SEMA3E: variants seen among roughly 807,000 people sequenced by gnomAD.
The protein encoded by SEMA3E is semaphorin-3E.
Under a neutral mutation model 93.6 loss-of-function variants are expected in SEMA3E, and 49 were observed. That is an observed-to-expected ratio of 0.52 (90% CI 0.42 to 0.66). SEMA3E has a LOEUF of 0.66. SEMA3E is among the 30% of genes least tolerant of loss of function. The pLI is 0.00. For missense variants in SEMA3E, 906 were observed against 964.8 expected, an observed-to-expected ratio of 0.94 and a Z score of 0.81; for synonymous variants, 363 against 330.7, an observed-to-expected ratio of 1.10 and a Z score of -1.06.
chr7:83,467,803 C>T (rs1292851400), intron 3 of SEMA3E, among the ~76,000 whole-genome samples: 1 of 152,134 alleles, frequency 6.6e-6, no homozygotes, highest in Non-Finnish European at 1.5e-5. Flanking sequence ...CGGCATTTCC[C>T]AGTTAATTGA....
chr7:83,487,682 C>CGTGTGTGTGT (rs71074667), intron 2 of SEMA3E, among the ~76,000 whole-genome samples: 1,504 of 144,520 alleles, frequency 0.01, 16 homozygotes, highest in East Asian at 0.032. Flanking sequence ...GGCAGGAGGT[C>CGTGTGTGTGT]GTGTGTGTGT....
chr7:83,404,935 T>C (rs1034347350), intron 9 of SEMA3E, among the ~76,000 whole-genome samples: 3 of 151,960 alleles, frequency 2.0e-5, no homozygotes, highest in African/African-American at 7.2e-5. Context: ...TAATGGGAAC[T>C]AGCAAAGTAG....
At chr7:83,486,635 T>C (rs1180922953) in intron 2 of SEMA3E, among the ~76,000 whole-genome samples, 1 of 152,016 alleles carries the variant, frequency 6.6e-6, no homozygotes, top group Non-Finnish European at 1.5e-5. Flanking sequence ...AGAGGGCATA[T>C]TGAGAATTTA....
At chr7:83,588,762 A>G (rs1049234774) in intron 1 of SEMA3E, among the ~76,000 whole-genome samples, 2 of 152,204 alleles carry the variant, frequency 1.3e-5, no homozygotes, top group Non-Finnish European at 2.9e-5. Context: ...CATGAAAAGT[A>G]AATGAGTCAT....
At chr7:83,529,426 A>G (rs1000732819) in intron 1 of SEMA3E, among the ~76,000 whole-genome samples, 5 of 152,168 alleles carry the variant, frequency 3.3e-5, no homozygotes, top group Non-Finnish European at 7.4e-5. Context: ...GCTGCCCGTC[A>G]AAAACTAGCA....
chr7:83,526,668 C>G (rs1449635339), intron 1 of SEMA3E, among the ~76,000 whole-genome samples: 1 of 152,144 alleles, frequency 6.6e-6, no homozygotes, highest in Admixed American at 6.6e-5. Flanking sequence ...CATCCATGTG[C>G]TATCCACTTG....
chr7:83,441,510 T>C lies in SEMA3E; in HGVS notation c.457-23027A>G, dbSNP rs559593839. On this transcript the variant is annotated intron_variant, in intron 4 of 16. Coordinates refer to ENST00000643230, the MANE Select transcript of SEMA3E (RefSeq NM_012431.3). ...AAAATAAGTACAAAAAAGAAAGATA[T>C]GGTGATGCTGCTGCTGCAGCTGGGT... 2.7e-4 allele frequency among the ~76,000 whole-genome samples: 41 copies of C among 152,248 alleles called. 1 individual carries two copies. In the South Asian group the frequency reaches 5.0e-3, roughly 18 times the overall value.
chr7:83,466,291 T>C (rs184939929), intron 4 of SEMA3E, among the ~76,000 whole-genome samples, 191 bp downstream of exon 4: 56 of 152,312 alleles, frequency 3.7e-4, no homozygotes, highest in African/African-American at 1.3e-3. Flanking sequence ...AGCAAATTAA[T>C]TGGTTCACAG....
At chr7:83,644,643 C>A (rs1794057687) in intron 1 of SEMA3E, among the ~76,000 whole-genome samples, 1 of 151,842 alleles carries the variant, frequency 6.6e-6, no homozygotes, top group Non-Finnish European at 1.5e-5. Flanking sequence ...AATTAATTAT[C>A]ATTATTATAA....
chr7:83,429,076 CA>C (rs1345037191), intron 4 of SEMA3E, among the ~76,000 whole-genome samples: 4 of 151,738 alleles, frequency 2.6e-5, no homozygotes, highest in Admixed American at 6.6e-5. Context: ...AATCAAGGCC[CA>C]AAAATATATA....
chr7:83,632,025 C>T (rs1013814116), intron 1 of SEMA3E, among the ~76,000 whole-genome samples: 7 of 151,904 alleles, frequency 4.6e-5, no homozygotes, highest in South Asian at 4.2e-4. Context: ...CATGGTGGTA[C>T]GTGCCTGTAA....
In SEMA3E at chr7:83,498,680, T is replaced by C. The variant is rs1790540022; in HGVS notation, c.116-8406A>G. Among the ~76,000 whole-genome samples the C allele has an allele frequency of 7.2e-5, 11 of 152,218 alleles. No homozygotes were observed. The South Asian group carries it at 2.3e-3, about 32-fold the overall frequency. ...TTTTAGTAGAGACGGGGTCTCACCATGTTGGCCAGGCTGGTCTCAAACTCC... is the reference window on the plus strand; with the variant it reads ...TTTTAGTAGAGACGGGGTCTCACCACGTTGGCCAGGCTGGTCTCAAACTCC... On this transcript the variant is annotated intron_variant, in intron 1 of 16. Coordinates refer to ENST00000643230, the MANE Select transcript of SEMA3E (RefSeq NM_012431.3).
chr7:83,525,928 T>A (rs1467028437), intron 1 of SEMA3E, among the ~76,000 whole-genome samples: 1 of 151,874 alleles, frequency 6.6e-6, no homozygotes, highest in Non-Finnish European at 1.5e-5. Context: ...AACTGTAAGC[T>A]TTGCTATAGA....
chr7:83,368,182 T>C (rs1384394441), intron 16 of SEMA3E, 144 bp from the exon 17 acceptor site: 2 of 691,702 alleles, frequency 2.9e-6, no homozygotes, highest in Non-Finnish European at 5.0e-6. Flanking sequence ...ACAAAAATGC[T>C]AAATAATTAC....
intron 1 of SEMA3E, among the ~76,000 whole-genome samples, chr7:83,561,860 T>C (rs1263308530): frequency 1.3e-5 from 2 of 152,158 alleles, no homozygotes; most frequent in South Asian, 2.1e-4. Context: ...TTAGCTTAGA[T>C]GAGTGTGAAA....
At chr7:83,476,082 G>C (rs1409600408) in intron 2 of SEMA3E, among the ~76,000 whole-genome samples, 5 of 152,150 alleles carry the variant, frequency 3.3e-5, no homozygotes, top group Non-Finnish European at 2.9e-5. Flanking sequence ...CAGAGGGCAA[G>C]GCAGTGACTT....
intron 1 of SEMA3E, among the ~76,000 whole-genome samples, chr7:83,642,093 A>C (rs2115713768): frequency 6.6e-6 from 1 of 152,306 alleles, no homozygotes; most frequent in Middle Eastern, 3.4e-3. Context: ...CTGGGCTTAA[A>C]CTAGCTGCTA....
chr7:83,468,833 C>A (rs746998733), intron 3 of SEMA3E, among the ~76,000 whole-genome samples: 6 of 152,186 alleles, frequency 3.9e-5, no homozygotes, highest in Non-Finnish European at 7.4e-5. Flanking sequence ...TGTTTATTGC[C>A]TCTCTCAAAC....
chr7:83,531,075 T>C (rs1791284670), intron 1 of SEMA3E, among the ~76,000 whole-genome samples: 2 of 152,122 alleles, frequency 1.3e-5, no homozygotes, highest in Non-Finnish European at 2.9e-5. Context: ...ATGTAGTATT[T>C]GCAATAGCAT....
Sources: allele counts gnomAD v4.1 joint callset (sites outside exome capture counted in the v4.1 genomes callset), GRCh38; gene constraint gnomAD v4.1.1; transcripts MANE v1.5; gene names NCBI Gene and HGNC (gene_info 2026-07-23, HGNC 2026-07-21).